Variants in NXPH1 observed in about 807,000 individuals in gnomAD.
NXPH1 encodes neurexophilin 1, also known as neurexophilin-1.
A neutral mutation model predicts 23.7 loss-of-function variants in NXPH1; 5 were observed. The ratio of observed to expected loss-of-function variants is 0.21; its 90% confidence interval spans 0.11 to 0.44. The LOEUF (loss-of-function observed/expected upper bound fraction) is 0.44. Among genes scored for constraint, NXPH1 ranks in the 20% least tolerant of loss-of-function variants. The pLI, the probability that NXPH1 is intolerant of heterozygous loss-of-function variation, is 0.99. For missense variants in NXPH1, 324 were observed against 321.6 expected (o/e 1.01, Z -0.06); for synonymous variants, 144 against 122.2 (o/e 1.18, Z -1.18).
At chr7:8,477,651 A>G (rs1816999348) in intron 2 of NXPH1, among the ~76,000 whole-genome samples, 1 of 152,160 alleles carries the variant, frequency 6.6e-6, no homozygotes, top group South Asian at 2.1e-4. Flanking sequence ...GGGTCAGACC[A>G]GTGATTCTTA....
At chr7:8,486,335 C>T (rs1257572541) in intron 2 of NXPH1, among the ~76,000 whole-genome samples, 1 of 152,088 alleles carries the variant, frequency 6.6e-6, no homozygotes, top group Non-Finnish European at 1.5e-5. Flanking sequence ...GGAAGCAAGG[C>T]CTTGGTTCTG....
At chr7:8,541,479 A>C (rs1191715964) in intron 2 of NXPH1, among the ~76,000 whole-genome samples, 1 of 151,630 alleles carries the variant, frequency 6.6e-6, no homozygotes, top group East Asian at 1.9e-4. Context: ...CAAGAAGTCC[A>C]ATGAGCCCTA....
chr7:8,581,572 A>C (rs755016451), intron 2 of NXPH1, among the ~76,000 whole-genome samples: 1 of 152,192 alleles, frequency 6.6e-6, no homozygotes, highest in Non-Finnish European at 1.5e-5. Flanking sequence ...CTCCTCCAAC[A>C]TCAGGGATTA....
intron 2 of NXPH1, among the ~76,000 whole-genome samples, chr7:8,445,278 G>A (rs7805772): frequency 0.78 from 118,699 of 152,200 alleles, 46,524 homozygotes; most frequent in East Asian, 0.9. Context: ...TTAAAGAGAG[G>A]TCCCAATAAA....
chr7:8,710,640 G>GTT lies in NXPH1; in HGVS notation c.55-40363_55-40362dup, dbSNP rs1368543367. ...TTGAACAAAGCATGTCAACTGTTAC[G>GTT]TTTTTTGTTTTTTTTTTTTTTTTTT... is the stretch of plus-strand genomic sequence containing the variant. On this transcript the variant is annotated intron_variant, in intron 2 of 2. Coordinates refer to ENST00000405863, the MANE Select transcript of NXPH1 (RefSeq NM_152745.3). Among the ~76,000 whole-genome samples, 105 of 27,676 alleles carry GTT rather than the reference G, an allele frequency of 3.8e-3. 12 individuals carry two copies. Among genetic ancestry groups the GTT allele is most frequent in the African/African-American group, 5.3e-3 (33 of 6,238 alleles). The allele number at this position is 27,676 out of a possible 152,430, so 18.2% of individuals were successfully genotyped here.
intron 2 of NXPH1, among the ~76,000 whole-genome samples, chr7:8,591,499 A>G (rs1488664849): frequency 6.6e-6 from 1 of 151,962 alleles, no homozygotes; most frequent in African/African-American, 2.4e-5. Context: ...TTGTCTTTGA[A>G]GTTTTATCAT....
At chr7:8,723,000 C>A (rs897990907) in intron 2 of NXPH1, among the ~76,000 whole-genome samples, 1 of 152,142 alleles carries the variant, frequency 6.6e-6, no homozygotes, top group Non-Finnish European at 1.5e-5. Context: ...ACTGTAGAGT[C>A]AAGCCAAAAA....
At chr7:8,716,101 C>T (rs1017005) in intron 2 of NXPH1, among the ~76,000 whole-genome samples, 27,208 of 152,038 alleles carry the variant, frequency 0.18, 2,657 homozygotes, top group East Asian at 0.31. Flanking sequence ...AAAAAGCCAG[C>T]ATCTTTGGGT....
At chr7:8,548,617 T>C (rs1818231166) in intron 2 of NXPH1, among the ~76,000 whole-genome samples, 1 of 151,530 alleles carries the variant, frequency 6.6e-6, no homozygotes, top group Non-Finnish European at 1.5e-5. Flanking sequence ...AGGACTTAAA[T>C]GCCAGTTTAC....
intron 2 of NXPH1, among the ~76,000 whole-genome samples, chr7:8,543,192 C>T (rs1263529078): frequency 6.6e-6 from 1 of 151,554 alleles, no homozygotes; most frequent in African/African-American, 2.4e-5. Flanking sequence ...CATTGACCTT[C>T]AATTGCATCT....
intron 2 of NXPH1, among the ~76,000 whole-genome samples, chr7:8,446,250 C>A (rs1394667712): frequency 6.6e-6 from 1 of 152,164 alleles, no homozygotes; most frequent in Non-Finnish European, 1.5e-5. Flanking sequence ...GTGATATGAA[C>A]ACTGGTATGC....
chr7:8,450,829 G>C (rs150221938), intron 2 of NXPH1, among the ~76,000 whole-genome samples: 1 of 152,164 alleles, frequency 6.6e-6, no homozygotes, highest in African/African-American at 2.4e-5. Flanking sequence ...ACCCATCATT[G>C]GCTCAATAGA....
intron 2 of NXPH1, among the ~76,000 whole-genome samples, chr7:8,662,032 G>A (rs184874652): frequency 1.3e-5 from 2 of 152,082 alleles, no homozygotes; most frequent in East Asian, 3.9e-4. Context: ...TATCAAGTAA[G>A]TTAAAATATA....
chr7:8,450,117 T>C (rs903544124), intron 2 of NXPH1, among the ~76,000 whole-genome samples: 8 of 152,338 alleles, frequency 5.3e-5, no homozygotes, highest in African/African-American at 1.9e-4. Context: ...ACATAACATC[T>C]GTATCTCTTC....
chr7:8,494,766 C>A (rs1817308944), intron 2 of NXPH1, among the ~76,000 whole-genome samples: 1 of 152,028 alleles, frequency 6.6e-6, no homozygotes, highest in Non-Finnish European at 1.5e-5. Context: ...CACATAATTT[C>A]ATGGATGAAT....
chr7:8,620,377 T>C (rs989293609), intron 2 of NXPH1, among the ~76,000 whole-genome samples: 8 of 152,172 alleles, frequency 5.3e-5, no homozygotes, highest in African/African-American at 1.7e-4. Flanking sequence ...ACAACAATTC[T>C]GACCCAGGTT....
At chr7:8,726,279 C>CTT (rs1005642586) in intron 2 of NXPH1, among the ~76,000 whole-genome samples, 7 of 127,922 alleles carry the variant, frequency 5.5e-5, no homozygotes, top group South Asian at 2.5e-4. Context: ...GCTTCTTTTT[C>CTT]TTTTTTTTTT....
At chr7:8,457,165 C>G (rs1816610451) in intron 2 of NXPH1, among the ~76,000 whole-genome samples, 2 of 152,172 alleles carry the variant, frequency 1.3e-5, no homozygotes, top group Admixed American at 1.3e-4. Flanking sequence ...GGCATTAATT[C>G]TTGGCTTTTC....
At chr7:8,586,732 T>A (rs2128624694) in intron 2 of NXPH1, among the ~76,000 whole-genome samples, 1 of 152,216 alleles carries the variant, frequency 6.6e-6, no homozygotes, top group Admixed American at 6.5e-5. Context: ...TTCAAAACTT[T>A]TAACCTTTTG....
Sources: allele counts gnomAD v4.1 joint callset (sites outside exome capture counted in the v4.1 genomes callset), GRCh38; gene constraint gnomAD v4.1.1; transcripts MANE v1.5; gene names NCBI Gene and HGNC (gene_info 2026-07-23, HGNC 2026-07-21).